Variants in ST7 observed in about 807,000 individuals in gnomAD.
ST7 encodes the protein suppression of tumorigenicity 7, also known as suppressor of tumorigenicity 7 protein.
In ST7, 28 loss-of-function variants were observed where a neutral mutation model predicts 78.7. The observed-to-expected ratio is 0.36, with a 90% CI of 0.26 to 0.49. The LOEUF is 0.49. Ranked by LOEUF, ST7 falls within the 20% of genes least tolerant of loss-of-function variation. ST7 has a pLI of 0.99. For synonymous variants in ST7, 247 were observed against 249.6 expected (o/e 0.99, Z 0.10); for missense variants, 418 against 696.0 (o/e 0.60, Z 4.49).
chr7:117,018,098 AC>A (rs1795702151), intron 1 of ST7, among the ~76,000 whole-genome samples: 1 of 152,190 alleles, frequency 6.6e-6, no homozygotes, highest in Non-Finnish European at 1.5e-5. Flanking sequence ...AAAAGGAGCA[AC>A]ATAAATGAGT....
intron 9 of ST7, among the ~76,000 whole-genome samples, chr7:117,151,104 G>C (rs1238192348): frequency 6.6e-6 from 1 of 152,338 alleles, no homozygotes; most frequent in East Asian, 1.9e-4. Context: ...TCGGTCTCCA[G>C]ACTTCCACTG....
chr7:117,099,046 C>CAAAAAAA (rs754881472), intron 1 of ST7, among the ~76,000 whole-genome samples: 488 of 30,670 alleles, frequency 0.016, 37 homozygotes, highest in East Asian at 0.025. Flanking sequence ...CTCACTTTCG[C>CAAAAAAA]AAAAAAAAAA....
intron 1 of ST7, chr7:116,967,402 C>T (rs747749655): frequency 2.1e-6 from 1 of 471,282 alleles, no homozygotes; most frequent in South Asian, 1.5e-5. Context: ...CCCTGCCTTA[C>T]CAGTTCCTAT....
intron 1 of ST7, among the ~76,000 whole-genome samples, chr7:117,086,458 ATTTC>A (rs1289623013): frequency 6.6e-6 from 1 of 152,136 alleles, no homozygotes; most frequent in Non-Finnish European, 1.5e-5. Flanking sequence ...AAAACATGAA[ATTTC>A]TTTCTTTTTC....
At chr7:117,100,226 C>G (rs1285993077) in intron 2 of ST7, among the ~76,000 whole-genome samples, 2 of 152,082 alleles carry the variant, frequency 1.3e-5, no homozygotes, top group Non-Finnish European at 2.9e-5. Flanking sequence ...AATCCCAGCA[C>G]TTTGGGAGGC....
intron 1 of ST7, among the ~76,000 whole-genome samples, chr7:116,990,642 CTT>C (rs1039829021): frequency 7.2e-5 from 11 of 152,282 alleles, no homozygotes; most frequent in African/African-American, 2.4e-4. Flanking sequence ...TACCCATACT[CTT>C]TTCAGGTTTC....
intron 12 of ST7, among the ~76,000 whole-genome samples, chr7:117,206,480 G>A (rs946526838): frequency 2.6e-5 from 4 of 152,114 alleles, no homozygotes; most frequent in Non-Finnish European, 4.4e-5. Flanking sequence ...CGTGTGATTA[G>A]TACACATACA....
chr7:116,977,773 C>T (rs927791080), intron 1 of ST7, among the ~76,000 whole-genome samples: 1 of 152,136 alleles, frequency 6.6e-6, no homozygotes, highest in Non-Finnish European at 1.5e-5. Context: ...AGGATGGTCT[C>T]GATCTCTTGA....
At chr7:116,976,848 A>T (rs1247663103) in intron 1 of ST7, among the ~76,000 whole-genome samples, 7 of 152,210 alleles carry the variant, frequency 4.6e-5, no homozygotes, top group Non-Finnish European at 2.9e-5. Flanking sequence ...ACTAGTCTTG[A>T]TGTTACCCAA....
chr7:116,991,910 G>A (rs1425526017), intron 1 of ST7, among the ~76,000 whole-genome samples: 1 of 152,054 alleles, frequency 6.6e-6, no homozygotes, highest in Non-Finnish European at 1.5e-5. Flanking sequence ...AAAACAAAGG[G>A]GTTACAGGGC....
chr7:117,200,796 G>A (rs2115880971), intron 12 of ST7, among the ~76,000 whole-genome samples: 1 of 146,840 alleles, frequency 6.8e-6, no homozygotes, highest in African/African-American at 2.5e-5. Flanking sequence ...TGACAGAAAT[G>A]CATTCCCATT....
At chr7:116,953,779 G>GTCCC in intron 1 of ST7, 88 bp downstream of exon 1, 1 of 998,820 alleles carries the variant, frequency 1.0e-6, no homozygotes, top group Non-Finnish European at 1.2e-6. Context: ...GGCCAGGCGC[G>GTCCC]CGCTCGGGGA....
intron 9 of ST7, among the ~76,000 whole-genome samples, chr7:117,147,637 T>C (rs2117133288): frequency 6.6e-6 from 1 of 152,254 alleles, no homozygotes; most frequent in East Asian, 1.9e-4. Flanking sequence ...TTGTCTATTT[T>C]GCCAGTCTTT....
intron 1 of ST7, among the ~76,000 whole-genome samples, chr7:117,001,140 T>C (rs1450668082): frequency 6.6e-6 from 1 of 152,180 alleles, no homozygotes; most frequent in Non-Finnish European, 1.5e-5. Flanking sequence ...AAAATCCATG[T>C]AGATGATTTA....
chr7:117,026,304 G>T (rs567748477), intron 1 of ST7, among the ~76,000 whole-genome samples: 1 of 152,038 alleles, frequency 6.6e-6, no homozygotes, highest in Non-Finnish European at 1.5e-5. Flanking sequence ...AAATTGTATA[G>T]TCATTTATAG....
chr7:117,074,748 A>G (rs1227915242), intron 1 of ST7: 2 of 152,194 alleles, frequency 1.3e-5, no homozygotes, highest in Admixed American at 6.5e-5. Flanking sequence ...AACATAAACA[A>G]TGGTGTTCTA....
intron 1 of ST7, among the ~76,000 whole-genome samples, chr7:116,983,088 T>C (rs2116337440): frequency 6.6e-6 from 1 of 152,174 alleles, no homozygotes; most frequent in South Asian, 2.1e-4. Flanking sequence ...AGTAGAGATG[T>C]GGTTTCATCA....
intron 2 of ST7, among the ~76,000 whole-genome samples, chr7:117,105,413 T>G (rs1801876604): frequency 6.6e-6 from 1 of 152,208 alleles, no homozygotes; most frequent in African/African-American, 2.4e-5. Context: ...CCCAAGTAGC[T>G]GGGACCACAG....
chr7:116,962,496 G>A (rs1321343323), intron 1 of ST7, among the ~76,000 whole-genome samples: 3 of 152,108 alleles, frequency 2.0e-5, no homozygotes, highest in Non-Finnish European at 4.4e-5. Context: ...GGTGTGAGAT[G>A]GTATCTCATT....
Sources: allele counts gnomAD v4.1 joint callset (sites outside exome capture counted in the v4.1 genomes callset), GRCh38; gene constraint gnomAD v4.1.1; transcripts MANE v1.5; gene names NCBI Gene and HGNC (gene_info 2026-07-23, HGNC 2026-07-21).